CDON: variants seen among roughly 807,000 people sequenced by gnomAD.
CDON encodes cell adhesion associated, oncogene regulated.
In CDON, 73 loss-of-function variants were observed where a neutral mutation model predicts 120.9. The ratio of observed to expected loss-of-function variants is 0.60; its 90% CI spans 0.50 to 0.73. CDON has a LOEUF of 0.73. Ranked by LOEUF, CDON falls within the 30% of genes least tolerant of loss-of-function variation. The pLI, the probability that CDON is intolerant of heterozygous loss-of-function variation, is 0.00. For missense variants in CDON, 1,470 were observed against 1,587.3 expected, an observed-to-expected ratio of 0.93 and a Z score of 1.26; for synonymous variants, 566 against 573.5, an observed-to-expected ratio of 0.99 and a Z score of 0.19.
intron 15 of CDON, among the ~76,000 whole-genome samples, chr11:125,986,219 T>G (rs1451434029): frequency 6.6e-6 from 1 of 152,044 alleles, no homozygotes; most frequent in East Asian, 1.9e-4. Context: ...ACACTGCATG[T>G]TCTCACTCAT....
chr11:126,001,371 G>A (rs777508305), intron 11 of CDON, among the ~76,000 whole-genome samples: 2 of 151,838 alleles, frequency 1.3e-5, no homozygotes, highest in Non-Finnish European at 2.9e-5. Flanking sequence ...TGAATTTTTA[G>A]TAGAGACAGG....
At position 126,005,963 on chromosome 11, in the gene CDON, C is replaced by T. The variant is rs1947114494; in HGVS notation, c.1647G>A (p.Gly549=). The T allele has an allele frequency of 1.2e-6, 2 of 1,613,980 alleles. No homozygotes were observed. The highest frequency in any genetic ancestry group is 1.6e-4 in the Middle Eastern group (1 of 6,084). ...CCTTCACCGGAAATGAGCTCAGTAA[C>T]CCAGTTTCTGAACCATCTCTCTTAC... ...DRSKRDGSET[G]LLSSFPVKVH... is the part of the protein sequence containing the mutation. The change falls in exon 9 of 20, where the codon GGG becomes GGA. Residue 549 remains glycine, a synonymous_variant. Coordinates refer to ENST00000531738, the MANE Select transcript of CDON (RefSeq NM_001378964.1).
At chr11:126,006,174 T>A (rs1214833671) in intron 8 of CDON, 117 bp from the exon 9 acceptor site, 8 of 861,024 alleles carry the variant, frequency 9.3e-6, no homozygotes, top group Non-Finnish European at 1.5e-5. Context: ...GCCCCAGAAG[T>A]TAAAACGGGT....
chr11:126,048,282 C>CAAAAAAAAA (rs1239820423), intron 1 of CDON, among the ~76,000 whole-genome samples: 5 of 119,506 alleles, frequency 4.2e-5, no homozygotes, highest in Non-Finnish European at 1.8e-5. Flanking sequence ...GACTCTGTCT[C>CAAAAAAAAA]AAAAAAAAAA....
In CDON at chr11:125,994,358, A is replaced by G. The variant is rs760005022; in HGVS notation, c.2576T>C (p.Ile859Thr). The change falls in exon 14 of 20, where the codon ATT (isoleucine) becomes ACT (threonine). Residue 859 changes from isoleucine to threonine, a missense_variant. Physicochemically the swap from Ile to Thr is moderately conservative, Grantham distance 89. Transcript: ENST00000531738. ...YIPSSNNNTP[I>T]QGFYIYYRPT... ...TCGGTAATAGATATAAAATCCTTGAATGGGAGTGTTATTGTTACTTGATGG... is the reference window on the plus strand; with the variant it reads ...TCGGTAATAGATATAAAATCCTTGAGTGGGAGTGTTATTGTTACTTGATGG... 6.3e-7 allele frequency: 1 copy of G among 1,590,374 alleles called. No individual in the cohort carries two copies. Among genetic ancestry groups the G allele is most frequent in the Non-Finnish European group, 8.6e-7 (1 of 1,158,532 alleles).
At chr11:126,010,312 A>G (rs1304704000) in intron 8 of CDON, 29 bp downstream of exon 8, 1 of 1,425,656 alleles carries the variant, frequency 7.0e-7, no homozygotes, top group East Asian at 2.5e-5. Context: ...AAATTACTCA[A>G]CTAAAAATAA....
chr11:125,988,184 T>C (rs1946521962), intron 15 of CDON, among the ~76,000 whole-genome samples: 1 of 152,056 alleles, frequency 6.6e-6, no homozygotes, highest in South Asian at 2.1e-4. Context: ...GGCTGAATTG[T>C]GGCTAATGAG....
intron 1 of CDON, among the ~76,000 whole-genome samples, chr11:126,035,634 T>A (rs1948074226): frequency 6.6e-6 from 1 of 152,148 alleles, no homozygotes; most frequent in Admixed American, 6.5e-5. Context: ...AGTTAGTACA[T>A]AATTGGCACC....
intron 8 of CDON, among the ~76,000 whole-genome samples, chr11:126,008,121 C>G (rs1435129693): frequency 6.6e-6 from 1 of 152,112 alleles, no homozygotes; most frequent in Non-Finnish European, 1.5e-5. Context: ...AAACCCGCAC[C>G]AACTCTCATT....
At chr11:126,029,285 C>T (rs1047497296) in intron 1 of CDON, among the ~76,000 whole-genome samples, 2 of 152,186 alleles carry the variant, frequency 1.3e-5, no homozygotes, top group African/African-American at 4.8e-5. Flanking sequence ...CCATATTCAT[C>T]AAACCTTGTC....
intron 1 of CDON, among the ~76,000 whole-genome samples, chr11:126,025,415 G>A (rs1266420687): frequency 6.6e-6 from 1 of 152,070 alleles, no homozygotes; most frequent in Non-Finnish European, 1.5e-5. Context: ...GGGAAGACAG[G>A]AAACAGAAAG....
intron 1 of CDON, among the ~76,000 whole-genome samples, chr11:126,040,538 G>A (rs1591419615): frequency 1.3e-5 from 2 of 152,200 alleles, no homozygotes; most frequent in Middle Eastern, 3.4e-3. Flanking sequence ...ACTAAAGGCC[G>A]GGCGCGGTGG....
intron 18 of CDON, among the ~76,000 whole-genome samples, chr11:125,977,008 G>A (rs1010648761): frequency 4.6e-5 from 7 of 152,092 alleles, no homozygotes; most frequent in African/African-American, 7.2e-5. Flanking sequence ...AAGAAAACAC[G>A]TTAAAATTTT....
rs536511033 is a variant in CDON, at chr11:125,972,109, T to C, written c.3356+6195A>G. Reference sequence around the variant, plus strand: ...TATGCTTCTTTCTAGGCATTCATAGTGAGCTTTACATATTACTCTTAAAAA... The same window carrying C: ...TATGCTTCTTTCTAGGCATTCATAGCGAGCTTTACATATTACTCTTAAAAA... On this transcript the variant is annotated intron_variant, in intron 18 of 19. Coordinates refer to ENST00000531738, the MANE Select transcript of CDON (RefSeq NM_001378964.1). Among the ~76,000 whole-genome samples the C allele has an allele frequency of 2.0e-5, 3 of 152,186 alleles. No individual in the cohort carries two copies. In the South Asian group the frequency reaches 6.2e-4, roughly 31 times the overall value.
rs1428251577 is a variant in CDON, at chr11:125,981,454, T to TA, written c.2996-126dup. On this transcript the variant is annotated intron_variant, in intron 16 of 19. Transcript: ENST00000531738. Reference sequence around the variant, plus strand: ...CGCACACACGCACACAGTAAGACACTAAAAAGGACAATCTTCTTGCTGAGA... The same window carrying TA: ...CGCACACACGCACACAGTAAGACACTAAAAAAGGACAATCTTCTTGCTGAGA... 10 of 978,568 alleles carry TA rather than the reference T, an allele frequency of 1.0e-5. No homozygotes were observed. In the Admixed American group the frequency reaches 2.1e-4, roughly 20 times the overall value. The allele number at this position is 978,568 out of a possible 1,614,324, so 60.6% of individuals were successfully genotyped here.
chr11:125,984,384 C>T lies in CDON; in HGVS notation c.2774-291G>A, dbSNP rs61917819. On this transcript the variant is annotated intron_variant, in intron 15 of 19. Transcript: ENST00000531738. ...TGCTTAACTGTACTTGGAGAAAACT[C>T]CCAGAGTTGAAATAAAAGTGTTTCC... 3.7e-3 allele frequency among the ~76,000 whole-genome samples: 558 copies of T among 152,294 alleles called. 1 individual carries two copies. Among genetic ancestry groups the T allele is most frequent in the Non-Finnish European group, 6.0e-3 (407 of 68,032 alleles).
intron 3 of CDON, 78 bp from the exon 4 acceptor site, chr11:126,019,843 AAAC>A (rs1947582569): frequency 8.4e-6 from 11 of 1,308,646 alleles, no homozygotes; most frequent in Non-Finnish European, 1.2e-5. Flanking sequence ...TACAAATTAG[AAAC>A]AACATCTGCA....
Position 125,961,106 on chromosome 11 carries a change from C to A in CDON, c.3632-1G>T, listed in dbSNP as rs1418118444. ...GTTTCTGAATGGGCACAGCTGTCTC[C>A]TGAAACACAGCAGGGTTTGGGAGCA... On this transcript the variant is annotated splice_acceptor_variant, in intron 19 of 19. Coordinates refer to ENST00000531738, the MANE Select transcript of CDON (RefSeq NM_001378964.1). LOFTEE classifies it high-confidence loss of function. 1 of 1,613,642 alleles carries A rather than the reference C, an allele frequency of 6.2e-7. No individual in the cohort carries two copies. The highest frequency in any genetic ancestry group is 1.7e-5 in the Admixed American group (1 of 60,024).
chr11:126,025,062 G>A (rs4351823), intron 1 of CDON, among the ~76,000 whole-genome samples: 11,095 of 151,974 alleles, frequency 0.073, 521 homozygotes, highest in Non-Finnish European at 0.11. Flanking sequence ...AAAATTAGCC[G>A]AGCCTGGTGG....
Sources: allele counts gnomAD v4.1 joint callset (sites outside exome capture counted in the v4.1 genomes callset), GRCh38; gene constraint gnomAD v4.1.1; transcripts MANE v1.5; gene names NCBI Gene and HGNC (gene_info 2026-07-23, HGNC 2026-07-21).